Variants in EPB41L4A observed in about 807,000 individuals in gnomAD.
EPB41L4A encodes the protein band 4.1-like protein 4A.
In EPB41L4A, 100 loss-of-function variants were observed where a neutral mutation model predicts 108.6. The ratio of observed to expected loss-of-function variants is 0.92; its 90% CI spans 0.78 to 1.09. The LOEUF (loss-of-function observed/expected upper bound fraction) is 1.09. EPB41L4A is among the 50% of genes least tolerant of loss of function. The pLI, the probability that EPB41L4A is intolerant of heterozygous loss-of-function variation, is 0.00. For missense variants in EPB41L4A, 1,030 were observed against 842.7 expected (o/e 1.22, Z -2.75); for synonymous variants, 319 against 289.0 (o/e 1.10, Z -1.05).
chr5:112,172,416 G>A (rs1490144669), intron 18 of EPB41L4A, among the ~76,000 whole-genome samples: 2 of 151,554 alleles, frequency 1.3e-5, no homozygotes, highest in Non-Finnish European at 2.9e-5. Flanking sequence ...GGAGGTTGAG[G>A]CATGAGAATC....
At chr5:112,403,391 A>C (rs974012027) in intron 1 of EPB41L4A, among the ~76,000 whole-genome samples, 25 of 151,972 alleles carry the variant, frequency 1.6e-4, no homozygotes, top group Non-Finnish European at 1.2e-4. Flanking sequence ...ATCATAATTA[A>C]CTTAATGTCT....
intron 9 of EPB41L4A, among the ~76,000 whole-genome samples, chr5:112,255,579 C>T (rs1751027222): frequency 6.6e-6 from 1 of 152,138 alleles, no homozygotes; most frequent in Non-Finnish European, 1.5e-5. Flanking sequence ...TAATACATGA[C>T]TTTTACTTGG....
intron 1 of EPB41L4A, among the ~76,000 whole-genome samples, chr5:112,412,865 T>A (rs1352309459): frequency 6.6e-6 from 1 of 152,218 alleles, no homozygotes; most frequent in Non-Finnish European, 1.5e-5. Flanking sequence ...ACACTTTGCA[T>A]CAGAATGAAA....
chr5:112,209,711 C>A (rs1007033328), intron 13 of EPB41L4A, among the ~76,000 whole-genome samples, 181 bp downstream of exon 13: 1 of 152,122 alleles, frequency 6.6e-6, no homozygotes. Context: ...AGAGTCAGGT[C>A]CTGATGTTTT....
At chr5:112,231,020 T>C (rs1748878308) in intron 12 of EPB41L4A, among the ~76,000 whole-genome samples, 1 of 152,168 alleles carries the variant, frequency 6.6e-6, no homozygotes, top group Admixed American at 6.5e-5. Flanking sequence ...AATCCTCTTT[T>C]TAGAATAAAA....
chr5:112,205,726 C>G (rs1488543683), intron 13 of EPB41L4A, among the ~76,000 whole-genome samples: 1 of 152,132 alleles, frequency 6.6e-6, no homozygotes, highest in Non-Finnish European at 1.5e-5. Context: ...TCTAGTTTTA[C>G]TGCTTTAGTC....
chr5:112,314,268 A>C (rs1755262117), intron 1 of EPB41L4A, among the ~76,000 whole-genome samples: 1 of 151,882 alleles, frequency 6.6e-6, no homozygotes, highest in South Asian at 2.1e-4. Flanking sequence ...ATTCCTTAAC[A>C]TGCTGAAAAG....
chr5:112,170,078 C>T, intron 20 of EPB41L4A: 2 of 528,282 alleles, frequency 3.8e-6, no homozygotes, highest in Non-Finnish European at 6.6e-6. Context: ...CCCCCTTGTA[C>T]CTACCAAGTA....
intron 2 of EPB41L4A, among the ~76,000 whole-genome samples, chr5:112,294,232 A>C (rs1229605207): frequency 1.3e-5 from 2 of 152,226 alleles, no homozygotes; most frequent in Admixed American, 1.3e-4. Flanking sequence ...AAATCTGGTT[A>C]AAATGAACAG....
intron 1 of EPB41L4A, among the ~76,000 whole-genome samples, chr5:112,416,829 T>C (rs1466660139): frequency 1.3e-5 from 2 of 152,234 alleles, no homozygotes; most frequent in Non-Finnish European, 2.9e-5. Flanking sequence ...TACCTCTACA[T>C]GCAAGTTTTT....
rs180763656 is a variant in EPB41L4A at position 112,337,028 on chromosome 5, T to C, written c.100-29538A>G. Among the ~76,000 whole-genome samples, 13 of 152,310 alleles carry C rather than the reference T, an allele frequency of 8.5e-5. No individual in the cohort carries two copies. The East Asian group carries it at 2.5e-3, about 29-fold the overall frequency. ...AAACAACAACAGCTACCTGTCTGTA[T>C]AGAAACAATATGCATTGTGGACATT... On this transcript the variant is annotated intron_variant, in intron 1 of 22. Coordinates refer to ENST00000261486, the MANE Select transcript of EPB41L4A (RefSeq NM_022140.5).
chr5:112,377,092 C>T (rs1759867570), intron 1 of EPB41L4A, among the ~76,000 whole-genome samples: 1 of 151,870 alleles, frequency 6.6e-6, no homozygotes, highest in African/African-American at 2.4e-5. Context: ...GTGGTCCCAG[C>T]TCCTCAGGAG....
intron 1 of EPB41L4A, among the ~76,000 whole-genome samples, chr5:112,323,445 T>C (rs1211892848): frequency 1.3e-5 from 2 of 152,238 alleles, no homozygotes; most frequent in Admixed American, 6.5e-5. Flanking sequence ...GACTTCACTA[T>C]TTAAGGGAAC....
At chr5:112,305,448 C>G (rs1453211652) in intron 2 of EPB41L4A, among the ~76,000 whole-genome samples, 1 of 152,078 alleles carries the variant, frequency 6.6e-6, no homozygotes, top group Non-Finnish European at 1.5e-5. Context: ...AAGACAAATG[C>G]TTCTAAATGG....
intron 12 of EPB41L4A, among the ~76,000 whole-genome samples, chr5:112,150,377 G>A (rs1451950332): frequency 6.6e-6 from 1 of 152,012 alleles, no homozygotes; most frequent in South Asian, 2.1e-4. Flanking sequence ...ATTGAATAGT[G>A]TGTTTCATCT....
At chr5:112,357,811 G>T (rs1758457658) in intron 1 of EPB41L4A, among the ~76,000 whole-genome samples, 1 of 152,174 alleles carries the variant, frequency 6.6e-6, no homozygotes, top group Admixed American at 6.5e-5. Context: ...ATCTAGGGAA[G>T]AGCTATGTGG....
At chr5:112,417,487 T>C (rs1293770820) in intron 1 of EPB41L4A, among the ~76,000 whole-genome samples, 2 of 152,258 alleles carry the variant, frequency 1.3e-5, no homozygotes, top group African/African-American at 4.8e-5. Context: ...CAATTTAGGA[T>C]GTTTTTGTGA....
intron 1 of EPB41L4A, among the ~76,000 whole-genome samples, chr5:112,331,681 T>C (rs1399098733): frequency 6.6e-6 from 1 of 152,326 alleles, no homozygotes; most frequent in East Asian, 1.9e-4. Context: ...GTCCCCACCC[T>C]GACACTGTAT....
Position 112,392,283 on chromosome 5 carries a change from T to C in EPB41L4A, c.99+26658A>G, listed in dbSNP as rs190342805. 6.2e-4 allele frequency among the ~76,000 whole-genome samples: 93 copies of C among 150,528 alleles called. 1 individual carries two copies. Among genetic ancestry groups the C allele is most frequent in the African/African-American group, 2.2e-3 (89 of 40,848 alleles). On this transcript the variant is annotated intron_variant, in intron 1 of 22. Transcript: ENST00000261486. ...CAATTAAAAGACACAGACAGGCAAA[T>C]TGGATAAAGAGTCAAGACCCATCAG...
Sources: allele counts gnomAD v4.1 joint callset (sites outside exome capture counted in the v4.1 genomes callset), GRCh38; gene constraint gnomAD v4.1.1; transcripts MANE v1.5; gene names NCBI Gene and HGNC (gene_info 2026-07-23, HGNC 2026-07-21).